GPC5: variants seen among roughly 807,000 people sequenced by gnomAD.
GPC5 encodes glypican-5.
In GPC5, 47 loss-of-function variants were observed where a neutral mutation model predicts 53.9. The observed-to-expected ratio is 0.87, with a 90% confidence interval of 0.69 to 1.11. GPC5 has a LOEUF of 1.11. GPC5 is among the 50% of genes most tolerant of loss of function. GPC5 has a pLI of 0.00. For synonymous variants in GPC5, 286 were observed against 263.3 expected (o/e 1.09, Z -0.84); for missense variants, 748 against 713.1 (o/e 1.05, Z -0.56).
At chr13:92,775,601 A>T (rs943969536) in intron 7 of GPC5, among the ~76,000 whole-genome samples, 1 of 152,162 alleles carries the variant, frequency 6.6e-6, no homozygotes, top group East Asian at 1.9e-4. Context: ...ACCTTAGTTA[A>T]GTGACTTCAA....
At chr13:92,423,648 C>T (rs911448381) in intron 7 of GPC5, among the ~76,000 whole-genome samples, 4 of 152,110 alleles carry the variant, frequency 2.6e-5, no homozygotes, top group Non-Finnish European at 5.9e-5. Context: ...TAAATGGTAC[C>T]AGCTGAGATC....
chr13:92,286,888 A>C (rs1026412327), intron 7 of GPC5, among the ~76,000 whole-genome samples: 1 of 152,170 alleles, frequency 6.6e-6, no homozygotes, highest in African/African-American at 2.4e-5. Flanking sequence ...ATACAATTAA[A>C]ATATCACTAG....
chr13:91,743,169 C>T (rs1379391674), intron 4 of GPC5, among the ~76,000 whole-genome samples: 2 of 152,028 alleles, frequency 1.3e-5, no homozygotes, highest in Admixed American at 6.6e-5. Flanking sequence ...GAATCTTCTA[C>T]CCCTTTTCCT....
rs1332855789 is a variant in GPC5 at position 92,388,668 on chromosome 13, G to A, written c.1561+243679G>A. Among the ~76,000 whole-genome samples the A allele has an allele frequency of 2.6e-5, 4 of 152,102 alleles. No homozygotes were observed. In the South Asian group the frequency reaches 6.2e-4, roughly 24 times the overall value. On this transcript the variant is annotated intron_variant, in intron 7 of 7. Coordinates refer to ENST00000377067, the MANE Select transcript of GPC5 (RefSeq NM_004466.6). ...ACTTACAAGATTTGGGCTCACATTA[G>A]GTGATTTGTGGGAGTCTCTGGAGAA...
chr13:91,701,430 T>G (rs1413427886), intron 3 of GPC5, among the ~76,000 whole-genome samples: 1 of 152,160 alleles, frequency 6.6e-6, no homozygotes, highest in Non-Finnish European at 1.5e-5. Flanking sequence ...AAAATGAGAT[T>G]CATACAACAT....
At chr13:91,756,490 G>T (rs900970908) in intron 5 of GPC5, 70 bp downstream of exon 5, 15 of 1,298,500 alleles carry the variant, frequency 1.2e-5, no homozygotes, top group Non-Finnish European at 1.5e-5. Context: ...ATCTTAAGGG[G>T]ATTAATTCAG....
intron 7 of GPC5, among the ~76,000 whole-genome samples, chr13:92,403,413 C>T (rs1359614440): frequency 6.6e-6 from 1 of 152,188 alleles, no homozygotes; most frequent in Admixed American, 6.5e-5. Context: ...AGGAGGTAAG[C>T]AGCCAGCCAG....
chr13:92,422,208 A>G (rs1025229176), intron 7 of GPC5, among the ~76,000 whole-genome samples: 3 of 152,008 alleles, frequency 2.0e-5, no homozygotes, highest in African/African-American at 4.8e-5. Context: ...CTGAAACTGA[A>G]GAGAACTTTA....
intron 7 of GPC5, chr13:92,240,798 C>T (rs1476609799): frequency 2.6e-5 from 4 of 152,126 alleles, no homozygotes; most frequent in African/African-American, 7.2e-5. Context: ...GTCACCATGC[C>T]TGGCCATCCT....
intron 7 of GPC5, among the ~76,000 whole-genome samples, chr13:92,586,595 A>C (rs1482243809): frequency 6.6e-6 from 1 of 152,228 alleles, no homozygotes; most frequent in Non-Finnish European, 1.5e-5. Flanking sequence ...AGACGACTGA[A>C]GAAAAACACC....
intron 6 of GPC5, among the ~76,000 whole-genome samples, chr13:91,992,875 T>G (rs1320627921): frequency 2.0e-5 from 3 of 152,192 alleles, no homozygotes; most frequent in Non-Finnish European, 1.5e-5. Flanking sequence ...GACTCCTGAT[T>G]GTAGTTCTAG....
intron 6 of GPC5, among the ~76,000 whole-genome samples, chr13:91,914,893 C>A (rs1335121068): frequency 6.6e-6 from 1 of 152,108 alleles, no homozygotes; most frequent in African/African-American, 2.4e-5. Flanking sequence ...TATAAACATC[C>A]TTTCCTATTG....
At chr13:91,797,987 A>G (rs1360603036) in intron 5 of GPC5, among the ~76,000 whole-genome samples, 1 of 152,178 alleles carries the variant, frequency 6.6e-6, no homozygotes, top group Non-Finnish European at 1.5e-5. Flanking sequence ...AGGAAAGTAC[A>G]GGTTAGGGAG....
At chr13:92,642,350 C>T (rs1288723867) in intron 7 of GPC5, among the ~76,000 whole-genome samples, 1 of 152,202 alleles carries the variant, frequency 6.6e-6, no homozygotes, top group African/African-American at 2.4e-5. Context: ...CCATCCTCAC[C>T]TGTGACTCAT....
At chr13:92,210,524 T>C (rs925324383) in intron 7 of GPC5, among the ~76,000 whole-genome samples, 1 of 152,182 alleles carries the variant, frequency 6.6e-6, no homozygotes, top group African/African-American at 2.4e-5. Flanking sequence ...CTATCTGTTA[T>C]CTTCAGGCGA....
chr13:92,361,165 T>C (rs2043563161), intron 7 of GPC5, among the ~76,000 whole-genome samples: 1 of 151,670 alleles, frequency 6.6e-6, no homozygotes. Context: ...TTTTTAAAAA[T>C]AATGGTTGCT....
chr13:91,435,574 T>A (rs1032100261), intron 1 of GPC5, among the ~76,000 whole-genome samples: 15 of 152,246 alleles, frequency 9.9e-5, no homozygotes, highest in South Asian at 4.1e-4. Context: ...GATATGCTGC[T>A]GGATTCGATT....
intron 7 of GPC5, among the ~76,000 whole-genome samples, chr13:92,402,889 A>G (rs754865290): frequency 3.3e-5 from 5 of 152,180 alleles, no homozygotes; most frequent in East Asian, 1.9e-4. Flanking sequence ...CTTTTCCTCC[A>G]CTCAATGCAA....
At chr13:92,646,958 G>C (rs1163195920) in intron 7 of GPC5, among the ~76,000 whole-genome samples, 1 of 150,776 alleles carries the variant, frequency 6.6e-6, no homozygotes, top group East Asian at 1.9e-4. Context: ...GTGTGTGTGT[G>C]TGTGTGTGTA....
Sources: gnomAD v4.1 joint callset for allele counts (sites outside exome capture counted in the v4.1 genomes callset) on GRCh38, gnomAD v4.1.1 for gene constraint, MANE v1.5 for transcripts, NCBI Gene and HGNC (gene_info 2026-07-23, HGNC 2026-07-21) for gene names.